PCDHA4: variants seen among roughly 807,000 people sequenced by gnomAD.
The protein encoded by PCDHA4 is protocadherin alpha 4.
In PCDHA4, 49 loss-of-function variants were observed where a neutral mutation model predicts 61.4. That is an observed-to-expected ratio of 0.80 (90% CI 0.63 to 1.01). The LOEUF is 1.01. Ranked by LOEUF, PCDHA4 falls within the 50% of genes least tolerant of loss-of-function variation. PCDHA4 has a pLI of 0.00. For missense variants in PCDHA4, 1,254 were observed against 1,235.8 expected, an observed-to-expected ratio of 1.01 and a Z score of -0.22; for synonymous variants, 590 against 550.3, an observed-to-expected ratio of 1.07 and a Z score of -1.01.
intron 1 of PCDHA4, among the ~76,000 whole-genome samples, chr5:140,919,085 T>C (rs2078998041): frequency 1.3e-5 from 2 of 152,368 alleles, no homozygotes; most frequent in East Asian, 3.9e-4. Context: ...GACTATTGAA[T>C]TGTCTATTTC....
At chr5:140,965,436 G>A (rs1389592396) in intron 1 of PCDHA4, among the ~76,000 whole-genome samples, 1 of 152,038 alleles carries the variant, frequency 6.6e-6, no homozygotes, top group Non-Finnish European at 1.5e-5. Flanking sequence ...TGCAGTCATT[G>A]AAATTGCTGG....
chr5:140,984,413 C>A lies in PCDHA4; in HGVS notation c.2533+1850C>A, dbSNP rs75063168. Among the ~76,000 whole-genome samples, 1,502 of 152,262 alleles carry A rather than the reference C, an allele frequency of 9.9e-3. 20 individuals carry two copies. Among genetic ancestry groups the A allele is most frequent in the African/African-American group, 0.035 (1,434 of 41,536 alleles). On this transcript the variant is annotated intron_variant, in intron 3 of 3. Transcript: ENST00000530339. ...AAATGTTGAGAACCTATCTTTTTTA[C>A]AGAGATAGAGAAGGGGATCTCCCTT...
rs1193708084 is a variant in PCDHA4, at chr5:140,882,956, A to AT, written c.2385+73385dup. 3.1e-6 allele frequency: 5 copies of AT among 1,614,110 alleles called. No individual in the cohort carries two copies. In the African/African-American group the frequency reaches 6.7e-5, roughly 22 times the overall value. ...GCTGACTGGCACAGTTCAGCTGCTC[A>AT]TCACGATTCTGGACGTGAATGACAA... On this transcript the variant is annotated intron_variant, in intron 1 of 3. Transcript: ENST00000530339.
At chr5:140,872,598 A>G (rs1211346027) in intron 1 of PCDHA4, among the ~76,000 whole-genome samples, 1 of 152,158 alleles carries the variant, frequency 6.6e-6, no homozygotes, top group African/African-American at 2.4e-5. Context: ...CCCCCATCTG[A>G]AAAAATAATT....
chr5:140,888,421 G>T (rs1046155514), intron 1 of PCDHA4, among the ~76,000 whole-genome samples: 9 of 152,144 alleles, frequency 5.9e-5, no homozygotes. Context: ...ACATCCTACC[G>T]TGCACAGGAC....
chr5:140,982,677 C>T, intron 3 of PCDHA4, 114 bp downstream of exon 3: 1 of 1,439,238 alleles, frequency 6.9e-7, no homozygotes, highest in Non-Finnish European at 9.1e-7. Flanking sequence ...TTTTGTTATT[C>T]CCTTTTTTCC....
chr5:140,944,871 C>T (rs1370417254), intron 1 of PCDHA4, among the ~76,000 whole-genome samples: 1 of 152,110 alleles, frequency 6.6e-6, no homozygotes, highest in Non-Finnish European at 1.5e-5. Flanking sequence ...ATCTTAACCA[C>T]CTACTCCACT....
At position 141,010,354 on chromosome 5, in the gene PCDHA4, C is replaced by A. The variant is rs1359778786; in HGVS notation, c.*417C>A. On this transcript the variant is annotated 3_prime_UTR_variant, in exon 4 of 4. Coordinates refer to ENST00000530339, the MANE Select transcript of PCDHA4 (RefSeq NM_018907.4). ...GTTTGTGGCCACTGGGTATGTGTGG[C>A]TACCGCGGGTATGCGAGTGCCAGAT... The A allele has an allele frequency of 2.0e-6, 3 of 1,506,078 alleles. No homozygotes were observed. The highest frequency in any genetic ancestry group is 4.4e-5 in the Admixed American group (2 of 45,166). 93.3% of individuals were successfully genotyped at this position (1,506,078 alleles called of 1,614,324 possible).
chr5:140,928,778 C>G (rs564618368), intron 1 of PCDHA4: 3 of 1,614,136 alleles, frequency 1.9e-6, no homozygotes, highest in East Asian at 4.5e-5. Context: ...CCCACTGATG[C>G]AGTTAAGCAG....
chr5:140,841,461 G>A, intron 1 of PCDHA4: 2 of 1,612,908 alleles, frequency 1.2e-6, no homozygotes, highest in Non-Finnish European at 1.7e-6. Flanking sequence ...TTCGTGGGCC[G>A]GATCGCGCAG....
At chr5:140,943,893 A>AT (rs1364551909) in intron 1 of PCDHA4, among the ~76,000 whole-genome samples, 3 of 152,226 alleles carry the variant, frequency 2.0e-5, no homozygotes, top group Non-Finnish European at 4.4e-5. Flanking sequence ...ACTGGTCATT[A>AT]TGATGTCATG....
At chr5:141,002,726 A>C (rs1488452359) in intron 3 of PCDHA4, among the ~76,000 whole-genome samples, 1 of 152,250 alleles carries the variant, frequency 6.6e-6, no homozygotes, top group Non-Finnish European at 1.5e-5. Context: ...GGAAGGGCAC[A>C]GTAAATGTTA....
chr5:140,882,111 C>A, intron 1 of PCDHA4: 1 of 1,379,348 alleles, frequency 7.2e-7, no homozygotes, highest in Non-Finnish European at 9.8e-7. Context: ...GCGAAGAAAG[C>A]CGCCGTTTCT....
At chr5:140,842,863 C>A (rs1431713195) in intron 1 of PCDHA4, 4 of 1,593,844 alleles carry the variant, frequency 2.5e-6, no homozygotes, top group African/African-American at 1.3e-5. Context: ...ACACGGAGAG[C>A]GGCAAGGTGT....
At chr5:141,001,280 G>T (rs1308036863) in intron 3 of PCDHA4, among the ~76,000 whole-genome samples, 2 of 152,162 alleles carry the variant, frequency 1.3e-5, no homozygotes, top group South Asian at 2.1e-4. Context: ...TTTTTTTACG[G>T]ATGAAAACTG....
chr5:140,929,153 A>G (rs1554206749), intron 1 of PCDHA4: 1 of 1,614,164 alleles, frequency 6.2e-7, no homozygotes, highest in East Asian at 2.2e-5. Context: ...TCTCAGACTT[A>G]TCTCTATCGG....
rs185216314 is a variant in PCDHA4, at chr5:140,968,202, A to G, written c.2386-10747A>G. On this transcript the variant is annotated intron_variant, in intron 1 of 3. Transcript: ENST00000530339. ...GAGGACTCCTATTCCATCTACATACAGGAGAACAATTTGCCAGGTGTGTTG... is the reference window on the plus strand; with the variant it reads ...GAGGACTCCTATTCCATCTACATACGGGAGAACAATTTGCCAGGTGTGTTG... The G allele has an allele frequency of 3.7e-5, 60 of 1,614,044 alleles. 1 individual carries two copies. The East Asian group carries it at 1.1e-3, about 29-fold the overall frequency.
chr5:140,933,270 C>T (rs1388946153), intron 1 of PCDHA4, among the ~76,000 whole-genome samples: 1 of 151,842 alleles, frequency 6.6e-6, no homozygotes, highest in African/African-American at 2.4e-5. Context: ...ATTATATATT[C>T]ATTTGGAACT....
chr5:140,995,401 G>A (rs576317630), intron 3 of PCDHA4, among the ~76,000 whole-genome samples: 7 of 152,238 alleles, frequency 4.6e-5, no homozygotes, highest in African/African-American at 1.4e-4. Context: ...GGGATGGCTC[G>A]AGATTTCATC....
Sources: gnomAD v4.1 joint callset for allele counts (sites outside exome capture counted in the v4.1 genomes callset) on GRCh38, gnomAD v4.1.1 for gene constraint, MANE v1.5 for transcripts, NCBI Gene and HGNC (gene_info 2026-07-23, HGNC 2026-07-21) for gene names.